Variants in ACVR1 observed in about 807,000 individuals in gnomAD.
The protein encoded by ACVR1 is activin receptor type-1.
A neutral mutation model predicts 57.1 loss-of-function variants in ACVR1; 38 were observed. The observed-to-expected ratio is 0.67, with a 90% confidence interval of 0.51 to 0.87. ACVR1 has a LOEUF of 0.87. Among genes scored for constraint, ACVR1 ranks in the 40% least tolerant of loss-of-function variants. The pLI is 0.00. For synonymous variants in ACVR1, 212 were observed against 228.1 expected, an observed-to-expected ratio of 0.93 and a Z score of 0.63; for missense variants, 463 against 638.2, an observed-to-expected ratio of 0.73 and a Z score of 2.96.
At chr2:157,848,735 A>G (rs1029175941) in intron 1 of ACVR1, among the ~76,000 whole-genome samples, 1 of 152,236 alleles carries the variant, frequency 6.6e-6, no homozygotes, top group Non-Finnish European at 1.5e-5. Flanking sequence ...GTCGCACCTC[A>G]TATCTTAAAA....
chr2:157,757,002 T>C (rs967502220), intron 9 of ACVR1, among the ~76,000 whole-genome samples: 1 of 136,140 alleles, frequency 7.3e-6, no homozygotes, highest in African/African-American at 3.0e-5. Context: ...ATATATATAT[T>C]TGAGATATAT....
chr2:157,842,569 A>G lies in ACVR1; in HGVS notation c.-182-24010T>C, dbSNP rs143254955. 8.3e-4 allele frequency among the ~76,000 whole-genome samples: 126 copies of G among 152,298 alleles called. 1 individual carries two copies. The East Asian group carries it at 0.019, about 23-fold the overall frequency. Reference sequence around the variant, plus strand: ...CTGTATCTCCCGCTGTCAGACTCCAAATCTTAGAAGATTTCCTCCAAGTAT... The same window carrying G: ...CTGTATCTCCCGCTGTCAGACTCCAGATCTTAGAAGATTTCCTCCAAGTAT... On this transcript the variant is annotated intron_variant, in intron 1 of 10. Coordinates refer to ENST00000434821, the MANE Select transcript of ACVR1 (RefSeq NM_001111067.4).
intron 3 of ACVR1, among the ~76,000 whole-genome samples, chr2:157,783,031 G>A (rs901827277): frequency 3.9e-5 from 6 of 152,126 alleles, no homozygotes; most frequent in Non-Finnish European, 8.8e-5. Context: ...CTCGCTGAAC[G>A]TATGGGCTGC....
At chr2:157,818,168 T>C (rs915844435) in intron 2 of ACVR1, among the ~76,000 whole-genome samples, 4 of 152,216 alleles carry the variant, frequency 2.6e-5, no homozygotes, top group Non-Finnish European at 4.4e-5. Flanking sequence ...AAGCCTACTA[T>C]GAAGGCAACG....
chr2:157,765,846 G>A (rs1685842540), intron 8 of ACVR1, 75 bp downstream of exon 8: 1 of 1,480,880 alleles, frequency 6.8e-7, no homozygotes, highest in Non-Finnish European at 9.3e-7. Context: ...CATGTTGTGG[G>A]GGAGAGATGC....
At chr2:157,800,668 A>G (rs1687290226) in intron 2 of ACVR1, among the ~76,000 whole-genome samples, 1 of 151,868 alleles carries the variant, frequency 6.6e-6, no homozygotes, top group Admixed American at 6.6e-5. Flanking sequence ...TTCCTTTTCT[A>G]TTTTTAAAAG....
chr2:157,800,956 C>T (rs1359636819), intron 2 of ACVR1, among the ~76,000 whole-genome samples: 3 of 152,024 alleles, frequency 2.0e-5, no homozygotes, highest in Non-Finnish European at 1.5e-5. Flanking sequence ...AAGGTAAGCC[C>T]TTGGTGAAAA....
At chr2:157,758,646 T>A (rs1159297200) in intron 9 of ACVR1, among the ~76,000 whole-genome samples, 1 of 152,070 alleles carries the variant, frequency 6.6e-6, no homozygotes, top group Non-Finnish European at 1.5e-5. Context: ...ACAGATCATC[T>A]AGACAGAAAA....
intron 1 of ACVR1, among the ~76,000 whole-genome samples, chr2:157,837,117 C>T (rs940525438): frequency 2.0e-5 from 3 of 152,220 alleles, no homozygotes; most frequent in African/African-American, 7.2e-5. Context: ...AAGATAAACA[C>T]TCAAATATCT....
Position 157,770,114 on chromosome 2 carries a change from C to T in ACVR1, c.790+254G>A, listed in dbSNP as rs140639511. 4.6e-5 allele frequency among the ~76,000 whole-genome samples: 7 copies of T among 152,254 alleles called. 1 individual carries two copies. In the East Asian group the frequency reaches 1.4e-3, roughly 29 times the overall value. Reference sequence around the variant, plus strand: ...GGGCAAATTTTTGTTATTTAAATAACGATCTGCAGATGTAGGAATAAGAAT... The same window carrying T: ...GGGCAAATTTTTGTTATTTAAATAATGATCTGCAGATGTAGGAATAAGAAT... On this transcript the variant is annotated intron_variant, in intron 7 of 10. Transcript: ENST00000434821.
At chr2:157,769,961 G>A (rs1192511138) in intron 7 of ACVR1, among the ~76,000 whole-genome samples, 1 of 152,140 alleles carries the variant, frequency 6.6e-6, no homozygotes, top group East Asian at 1.9e-4. Context: ...ATTTAATTAC[G>A]ATATCCCTGG....
chr2:157,768,538 CT>C (rs1452576396), intron 7 of ACVR1, among the ~76,000 whole-genome samples: 1 of 152,144 alleles, frequency 6.6e-6, no homozygotes, highest in African/African-American at 2.4e-5. Flanking sequence ...CACTAAGCCC[CT>C]TAGGTCTTAG....
intron 2 of ACVR1, among the ~76,000 whole-genome samples, chr2:157,804,463 C>A (rs1315594590): frequency 6.6e-6 from 1 of 152,146 alleles, no homozygotes; most frequent in African/African-American, 2.4e-5. Context: ...AGCTGCATAT[C>A]TTGCTTGGGT....
intron 9 of ACVR1, 141 bp downstream of exon 9, chr2:157,760,739 A>G (rs1248281871): frequency 1.1e-5 from 9 of 796,566 alleles, no homozygotes; most frequent in African/African-American, 3.5e-5. Context: ...TACCAGCCAT[A>G]AATCAAATAT....
chr2:157,824,000 G>A (rs1216879719), intron 1 of ACVR1, among the ~76,000 whole-genome samples: 1 of 152,124 alleles, frequency 6.6e-6, no homozygotes, highest in African/African-American at 2.4e-5. Context: ...CCCTTGCAGA[G>A]CTGCCACGTA....
intron 2 of ACVR1, among the ~76,000 whole-genome samples, chr2:157,809,185 T>C (rs984245237): frequency 1.3e-5 from 2 of 152,190 alleles, no homozygotes; most frequent in Non-Finnish European, 2.9e-5. Context: ...ACACATTAAA[T>C]AGCAACCAGA....
chr2:157,737,727 G>T (rs926349740), intron 10 of ACVR1, 62 bp from the exon 11 acceptor site: 13 of 1,603,624 alleles, frequency 8.1e-6, no homozygotes, highest in Middle Eastern at 1.6e-4. Context: ...CCTGGAAGCT[G>T]GGCTGATATC....
intron 2 of ACVR1, among the ~76,000 whole-genome samples, chr2:157,807,893 G>A (rs527815528): frequency 7.3e-6 from 1 of 137,306 alleles, no homozygotes; most frequent in East Asian, 2.4e-4. Flanking sequence ...GAATGTCAAG[G>A]CCAGAGAGGT....
chr2:157,870,479 A>C (rs1690081335), intron 1 of ACVR1, among the ~76,000 whole-genome samples: 2 of 152,218 alleles, frequency 1.3e-5, no homozygotes, highest in Non-Finnish European at 2.9e-5. Flanking sequence ...CTCTCAAAAG[A>C]GGAGTTTACT....
Sources: gnomAD v4.1 joint callset for allele counts (sites outside exome capture counted in the v4.1 genomes callset) on GRCh38, gnomAD v4.1.1 for gene constraint, MANE v1.5 for transcripts, NCBI Gene and HGNC (gene_info 2026-07-23, HGNC 2026-07-21) for gene names.